WDR59: variants seen among roughly 807,000 people sequenced by gnomAD.
WDR59 encodes the protein GATOR2 complex protein WDR59.
In WDR59, 100 loss-of-function variants were observed where a neutral mutation model predicts 131.2. The observed-to-expected ratio is 0.76, with a 90% CI of 0.65 to 0.90. The LOEUF (loss-of-function observed/expected upper bound fraction) is 0.90, where lower values mean the gene tolerates loss of function less well. WDR59 is among the 40% of genes least tolerant of loss of function. The probability of loss-of-function intolerance (pLI) is 0.00; values close to 1 mark genes in which losing one functional copy is unlikely to be tolerated. For missense variants in WDR59, 1,203 were observed against 1,262.2 expected (o/e 0.95, Z 0.71); for synonymous variants, 601 against 466.2 (o/e 1.29, Z -3.72).
chr16:74,954,391 A>C (rs969667889), intron 3 of WDR59, among the ~76,000 whole-genome samples: 1 of 152,194 alleles, frequency 6.6e-6, no homozygotes, highest in Non-Finnish European at 1.5e-5. Context: ...CTGGGCAACA[A>C]GAGTGAAACT....
chr16:74,945,815 C>CTT (rs777336166), intron 6 of WDR59, among the ~76,000 whole-genome samples: 17 of 132,984 alleles, frequency 1.3e-4, no homozygotes, highest in Non-Finnish European at 1.5e-4. Context: ...ATTCACATAA[C>CTT]TTTTTTTTTT....
chr16:74,906,238 C>T (rs1412251550), intron 17 of WDR59, among the ~76,000 whole-genome samples: 5 of 136,016 alleles, frequency 3.7e-5, no homozygotes, highest in Non-Finnish European at 7.7e-5. Flanking sequence ...GGCGTGAACC[C>T]GGGAGGCGGA....
intron 3 of WDR59, among the ~76,000 whole-genome samples, chr16:74,953,474 A>C (rs1300084342): frequency 1.4e-5 from 1 of 69,774 alleles, no homozygotes; most frequent in African/African-American, 3.4e-5. Context: ...CTCCGTCTCA[A>C]AAAAAAAAAA....
At chr16:74,978,863 T>G (rs953772161) in intron 1 of WDR59, 2 of 152,164 alleles carry the variant, frequency 1.3e-5, no homozygotes, top group African/African-American at 4.8e-5. Flanking sequence ...ATACAGAGCT[T>G]GATTTTCTCG....
intron 25 of WDR59, among the ~76,000 whole-genome samples, chr16:74,880,955 C>T (rs1369312802): frequency 6.6e-6 from 1 of 152,170 alleles, no homozygotes; most frequent in East Asian, 1.9e-4. Context: ...AATGAATATA[C>T]TGAACCAGTA....
At chr16:74,919,322 CTTTTT>C (rs374018094) in intron 10 of WDR59, among the ~76,000 whole-genome samples, 1 of 146,572 alleles carries the variant, frequency 6.8e-6, no homozygotes. Context: ...CTTGGAACAC[CTTTTT>C]TTTTTTAATT....
At chr16:74,944,027 G>C (rs905224092) in intron 6 of WDR59, among the ~76,000 whole-genome samples, 9 of 152,184 alleles carry the variant, frequency 5.9e-5, no homozygotes, top group African/African-American at 2.2e-4. Flanking sequence ...AGGAGAAAGT[G>C]AGTGAGAAGA....
At chr16:74,979,912 G>A (rs2034335947) in intron 1 of WDR59, among the ~76,000 whole-genome samples, 4 of 134,366 alleles carry the variant, frequency 3.0e-5, no homozygotes, top group Admixed American at 1.7e-4. Flanking sequence ...GCAATGGCGT[G>A]ATCTCAGCTC....
intron 13 of WDR59, chr16:74,915,559 A>C: frequency 4.4e-6 from 1 of 228,880 alleles, no homozygotes; most frequent in Non-Finnish European, 8.6e-6. Flanking sequence ...CCTCTCGAGT[A>C]GTTGGAATTA....
At chr16:74,882,013 T>C (rs765094538) in intron 25 of WDR59, among the ~76,000 whole-genome samples, 56 of 152,228 alleles carry the variant, frequency 3.7e-4, no homozygotes, top group Non-Finnish European at 7.6e-4. Flanking sequence ...GGATACATTA[T>C]TCATCCTTAA....
chr16:74,943,648 C>G (rs1333377217), intron 6 of WDR59, among the ~76,000 whole-genome samples: 1 of 152,168 alleles, frequency 6.6e-6, no homozygotes, highest in Non-Finnish European at 1.5e-5. Flanking sequence ...AGCACTCCTT[C>G]CTGTCTCCTC....
intron 6 of WDR59, among the ~76,000 whole-genome samples, chr16:74,945,762 T>G (rs1486215139): frequency 3.3e-5 from 5 of 151,438 alleles, no homozygotes; most frequent in Non-Finnish European, 7.4e-5. Context: ...TCACTCCCGG[T>G]ACAGTACAAG....
At chr16:74,916,669 G>C (rs937275850) in intron 11 of WDR59, among the ~76,000 whole-genome samples, 1 of 152,106 alleles carries the variant, frequency 6.6e-6, no homozygotes, top group Non-Finnish European at 1.5e-5. Flanking sequence ...GACCAGCCTG[G>C]CCAAGAGGGT....
intron 9 of WDR59, among the ~76,000 whole-genome samples, chr16:74,922,813 G>T (rs1459067270): frequency 6.6e-6 from 1 of 152,170 alleles, no homozygotes; most frequent in East Asian, 1.9e-4. Context: ...AAGTATTTCA[G>T]TTCCTAAGAA....
At chr16:74,916,290 G>C (rs778634629) in intron 11 of WDR59, 31 bp from the exon 12 acceptor site, 26 of 1,612,398 alleles carry the variant, frequency 1.6e-5, no homozygotes, top group African/African-American at 6.7e-5. Flanking sequence ...TGTAGTTCTA[G>C]AGAAGTCCGT....
intron 25 of WDR59, among the ~76,000 whole-genome samples, 197 bp downstream of exon 25, chr16:74,885,448 CAAAAAAAA>C (rs397855343): frequency 9.6e-5 from 6 of 62,372 alleles, no homozygotes; most frequent in East Asian, 6.3e-4. Flanking sequence ...GATTCCATCT[CAAAAAAAA>C]AAAAAAAAAA....
rs1306918325 is a variant in WDR59 at position 74,908,981 on chromosome 16, A to G, written c.1643-4T>C. ...CTTGTGAAATATACCAGGTAACCTA[A>G]AGGAGGAGACATCACATGAGCCATC... On this transcript the variant is annotated splice_region_variant and splice_polypyrimidine_tract_variant and intron_variant, in intron 16 of 25. Coordinates refer to ENST00000262144, the MANE Select transcript of WDR59 (RefSeq NM_030581.4). The G allele has an allele frequency of 1.2e-5, 19 of 1,613,074 alleles. No homozygotes were observed. Among genetic ancestry groups the G allele is most frequent in the African/African-American group, 5.3e-5 (4 of 74,892 alleles).
intron 2 of WDR59, among the ~76,000 whole-genome samples, chr16:74,956,879 T>C (rs1283466967): frequency 6.6e-6 from 1 of 152,060 alleles, no homozygotes; most frequent in Non-Finnish European, 1.5e-5. Context: ...TGGATTCACC[T>C]CCAACCTGCC....
At chr16:74,979,562 T>G (rs951110752) in intron 1 of WDR59, among the ~76,000 whole-genome samples, 1 of 151,440 alleles carries the variant, frequency 6.6e-6, no homozygotes, top group African/African-American at 2.4e-5. Flanking sequence ...TTTTTTCAGA[T>G]GGAGTCTCGC....
Sources: allele counts gnomAD v4.1 joint callset (sites outside exome capture counted in the v4.1 genomes callset), GRCh38; gene constraint gnomAD v4.1.1; transcripts MANE v1.5; gene names NCBI Gene and HGNC (gene_info 2026-07-23, HGNC 2026-07-21).